The following MITF variants were observed in gnomAD, a reference collection of about 807,000 sequenced individuals.
The protein encoded by MITF is microphthalmia-associated transcription factor.
Under a neutral mutation model 60.5 loss-of-function variants are expected in MITF, and 17 were observed. The observed-to-expected ratio is 0.28, with a 90% CI of 0.19 to 0.42. The LOEUF is 0.42. MITF is among the 10% of genes least tolerant of loss of function. The probability of loss-of-function intolerance (pLI) is 1.00; values close to 1 mark genes in which losing one functional copy is unlikely to be tolerated. For synonymous variants in MITF, 260 were observed against 248.5 expected, an observed-to-expected ratio of 1.05 and a Z score of -0.43; for missense variants, 622 against 683.5, an observed-to-expected ratio of 0.91 and a Z score of 1.00.
At chr3:69,802,228 T>G (rs112914836) in intron 1 of MITF, among the ~76,000 whole-genome samples, 4 of 152,222 alleles carry the variant, frequency 2.6e-5, no homozygotes, top group African/African-American at 9.6e-5. Context: ...CTCCTGGGTA[T>G]AGGCCAGGGG....
At chr3:69,862,263 G>T (rs991888961) in intron 1 of MITF, among the ~76,000 whole-genome samples, 2 of 152,118 alleles carry the variant, frequency 1.3e-5, no homozygotes, top group East Asian at 1.9e-4. Context: ...TAAGGAGAAG[G>T]CTCCTCAAGT....
At chr3:69,759,306 C>T (rs536677102) in intron 1 of MITF, among the ~76,000 whole-genome samples, 4 of 152,262 alleles carry the variant, frequency 2.6e-5, no homozygotes, top group African/African-American at 9.6e-5. Context: ...AGCACTTTCG[C>T]ACTAAACTTT....
At chr3:69,951,151 G>T (rs1392918629) in intron 6 of MITF, among the ~76,000 whole-genome samples, 2 of 142,668 alleles carry the variant, frequency 1.4e-5, no homozygotes, top group Non-Finnish European at 3.0e-5. Context: ...GAGCTGGTGT[G>T]CAGTGGTGTG....
chr3:69,910,553 C>G (rs576989580), intron 2 of MITF, among the ~76,000 whole-genome samples: 1 of 152,200 alleles, frequency 6.6e-6, no homozygotes, highest in African/African-American at 2.4e-5. Flanking sequence ...GAGGGAGGCT[C>G]TACCCTGCAA....
intron 1 of MITF, among the ~76,000 whole-genome samples, chr3:69,798,875 G>T (rs1205070058): frequency 6.6e-6 from 1 of 152,114 alleles, no homozygotes; most frequent in Non-Finnish European, 1.5e-5. Flanking sequence ...TCATCCCCTT[G>T]TTAATACACT....
chr3:69,812,894 G>A (rs892990935), intron 1 of MITF, among the ~76,000 whole-genome samples: 1 of 152,160 alleles, frequency 6.6e-6, no homozygotes, highest in East Asian at 1.9e-4. Context: ...GAAAGTTGGT[G>A]TAGGTCTTTC....
chr3:69,759,546 T>C (rs1559613308), intron 1 of MITF, among the ~76,000 whole-genome samples: 3 of 152,302 alleles, frequency 2.0e-5, no homozygotes, highest in East Asian at 3.9e-4. Context: ...AGAATGTTGA[T>C]TTTGGGTTTA....
At chr3:69,789,113 GA>G (rs1157856036) in intron 1 of MITF, among the ~76,000 whole-genome samples, 8 of 150,702 alleles carry the variant, frequency 5.3e-5, no homozygotes, top group African/African-American at 1.9e-4. Flanking sequence ...CTAGGTGCTA[GA>G]AAAAAAAAGA....
intron 1 of MITF, among the ~76,000 whole-genome samples, chr3:69,778,067 A>G (rs973666197): frequency 2.6e-5 from 4 of 151,942 alleles, no homozygotes; most frequent in African/African-American, 9.7e-5. Flanking sequence ...GGAGATGGAG[A>G]GGAGGTGGAG....
chr3:69,781,697 G>A (rs1559626144), intron 1 of MITF, among the ~76,000 whole-genome samples: 1 of 152,178 alleles, frequency 6.6e-6, no homozygotes, highest in Admixed American at 6.5e-5. Context: ...TAAGAAAAGG[G>A]TGAAAGCTCT....
intron 2 of MITF, among the ~76,000 whole-genome samples, chr3:69,905,214 T>C (rs1375317509): frequency 1.3e-5 from 2 of 152,158 alleles, no homozygotes; most frequent in African/African-American, 4.8e-5. Context: ...TTAAAAAATA[T>C]GGATTCATAC....
intron 1 of MITF, among the ~76,000 whole-genome samples, chr3:69,829,220 G>A (rs2063406037): frequency 6.6e-6 from 1 of 152,178 alleles, no homozygotes; most frequent in Non-Finnish European, 1.5e-5. Context: ...GTATCAGCCT[G>A]TGATGGATTT....
chr3:69,907,934 T>G (rs1425970574), intron 2 of MITF, among the ~76,000 whole-genome samples: 1 of 152,174 alleles, frequency 6.6e-6, no homozygotes, highest in Non-Finnish European at 1.5e-5. Flanking sequence ...TTACAAATGG[T>G]TTTTTGAAAG....
At chr3:69,903,338 T>C (rs1204295982) in intron 2 of MITF, among the ~76,000 whole-genome samples, 1 of 152,180 alleles carries the variant, frequency 6.6e-6, no homozygotes, top group African/African-American at 2.4e-5. Flanking sequence ...GTTTAGAACA[T>C]TAGATCAATG....
intron 1 of MITF, among the ~76,000 whole-genome samples, chr3:69,807,557 A>G (rs755482380): frequency 1.1e-4 from 17 of 152,300 alleles, no homozygotes; most frequent in African/African-American, 1.9e-4. Flanking sequence ...TTCTACAACT[A>G]TGGTTGAATT....
intron 1 of MITF, among the ~76,000 whole-genome samples, chr3:69,870,609 A>G (rs2064216673): frequency 6.6e-6 from 1 of 151,594 alleles, no homozygotes; most frequent in South Asian, 2.1e-4. Context: ...TAAATTTTGT[A>G]TTGTTAGTAG....
At chr3:69,811,702 G>A (rs1169216497) in intron 1 of MITF, among the ~76,000 whole-genome samples, 2 of 152,194 alleles carry the variant, frequency 1.3e-5, no homozygotes, top group South Asian at 2.1e-4. Context: ...GAGACTTTGA[G>A]TAATGATGCA....
At chr3:69,807,653 TG>T (rs1440873880) in intron 1 of MITF, among the ~76,000 whole-genome samples, 1 of 152,248 alleles carries the variant, frequency 6.6e-6, no homozygotes, top group Non-Finnish European at 1.5e-5. Context: ...AAACACTTTT[TG>T]TTGAACTTCT....
intron 1 of MITF, among the ~76,000 whole-genome samples, chr3:69,819,982 C>A (rs1050309426): frequency 3.3e-5 from 5 of 152,000 alleles, no homozygotes; most frequent in African/African-American, 9.7e-5. Flanking sequence ...AACAAACAAA[C>A]AAAAACATAA....
Sources: allele counts gnomAD v4.1 joint callset (sites outside exome capture counted in the v4.1 genomes callset), GRCh38; gene constraint gnomAD v4.1.1; transcripts MANE v1.5; gene names NCBI Gene and HGNC (gene_info 2026-07-23, HGNC 2026-07-21).